ADCY3: variants seen among roughly 807,000 people sequenced by gnomAD.
The protein encoded by ADCY3 is adenylate cyclase 3.
Under a neutral mutation model 119.4 loss-of-function variants are expected in ADCY3, and 70 were observed. The ratio of observed to expected loss-of-function variants is 0.59; its 90% CI spans 0.48 to 0.72. ADCY3 has a LOEUF of 0.72. ADCY3 is among the 30% of genes least tolerant of loss of function. ADCY3 has a pLI of 0.00. For missense variants in ADCY3, 1,238 were observed against 1,541.6 expected, an observed-to-expected ratio of 0.80 and a Z score of 3.30; for synonymous variants, 672 against 621.4, an observed-to-expected ratio of 1.08 and a Z score of -1.21.
At chr2:24,903,806 C>T (rs898883180) in intron 2 of ADCY3, among the ~76,000 whole-genome samples, 1 of 152,108 alleles carries the variant, frequency 6.6e-6, no homozygotes, top group Non-Finnish European at 1.5e-5. Flanking sequence ...AAATGCAACT[C>T]GAAGCCTCAG....
chr2:24,852,288 G>A (rs1219317731), intron 3 of ADCY3, among the ~76,000 whole-genome samples: 1 of 152,226 alleles, frequency 6.6e-6, no homozygotes, highest in Non-Finnish European at 1.5e-5. Context: ...CACGGCATCT[G>A]ATGTCCTCAA....
intron 2 of ADCY3, among the ~76,000 whole-genome samples, chr2:24,889,772 G>A (rs895280975): frequency 1.3e-5 from 2 of 152,366 alleles, no homozygotes; most frequent in East Asian, 3.9e-4. Flanking sequence ...GGAGGCGGAG[G>A]TTGCAGTGAG....
intron 3 of ADCY3, among the ~76,000 whole-genome samples, chr2:24,870,454 C>T (rs1048945729): frequency 6.6e-6 from 1 of 152,146 alleles, no homozygotes; most frequent in African/African-American, 2.4e-5. Flanking sequence ...ACAAATTCAT[C>T]CCACTTGGAG....
At chr2:24,849,202 C>A (rs17046668) in intron 3 of ADCY3, among the ~76,000 whole-genome samples, 4,850 of 152,302 alleles carry the variant, frequency 0.032, 220 homozygotes, top group African/African-American at 0.11. Context: ...TTCAGAAAAG[C>A]CTCTTCAGGC....
chr2:24,833,859 A>T lies in ADCY3; in HGVS notation c.1967+626T>A, dbSNP rs78798877. On this transcript the variant is annotated intron_variant, in intron 11 of 21. Transcript: ENST00000679454. ...TGGTCACACACCCGCAACCTTAGAT[A>T]GTGTGACCCAGCCCAAGGCTCCTGA... 2.2e-3 allele frequency among the ~76,000 whole-genome samples: 342 copies of T among 152,370 alleles called. 1 individual carries two copies. The highest frequency in any genetic ancestry group is 7.9e-3 in the African/African-American group (328 of 41,598).
chr2:24,832,099 G>C (rs866673128), intron 11 of ADCY3: 1 of 277,484 alleles, frequency 3.6e-6, no homozygotes, highest in East Asian at 9.4e-5. Context: ...GGCAGGGGAC[G>C]GGGAGGCCTC....
chr2:24,886,260 C>T (rs185039130), intron 2 of ADCY3, among the ~76,000 whole-genome samples: 50 of 152,270 alleles, frequency 3.3e-4, no homozygotes, highest in African/African-American at 1.0e-3. Flanking sequence ...GCCAACTCCA[C>T]GGTCATCCTG....
At chr2:24,866,003 C>A (rs76428491) in intron 3 of ADCY3, among the ~76,000 whole-genome samples, 17 of 152,182 alleles carry the variant, frequency 1.1e-4, no homozygotes, top group African/African-American at 4.1e-4. Context: ...GCTAAGACCC[C>A]GGGGAAAGAG....
intron 2 of ADCY3, among the ~76,000 whole-genome samples, chr2:24,882,736 C>T (rs2148884717): frequency 6.6e-6 from 1 of 152,310 alleles, no homozygotes; most frequent in African/African-American, 2.4e-5. Flanking sequence ...AAAATTACCT[C>T]AAGGAGCTGA....
intron 6 of ADCY3, among the ~76,000 whole-genome samples, 160 bp from the exon 7 acceptor site, chr2:24,840,191 G>A (rs1253084155): frequency 6.6e-6 from 1 of 152,102 alleles, no homozygotes; most frequent in Non-Finnish European, 1.5e-5. Flanking sequence ...GGGTAAGGCA[G>A]GCCAGGGCCA....
chr2:24,906,797 G>A (rs1251096209), intron 2 of ADCY3, among the ~76,000 whole-genome samples: 1 of 152,218 alleles, frequency 6.6e-6, no homozygotes, highest in African/African-American at 2.4e-5. Flanking sequence ...CCTACCATAA[G>A]CAGGTTGGTG....
At chr2:24,863,092 T>C (rs1572922148) in intron 3 of ADCY3, among the ~76,000 whole-genome samples, 1 of 152,278 alleles carries the variant, frequency 6.6e-6, no homozygotes, top group East Asian at 1.9e-4. Context: ...AAAAAAAGGC[T>C]TGAAGGAATA....
Position 24,841,854 on chromosome 2 carries a change from C to T in ADCY3, c.957-187G>A, listed in dbSNP as rs1671054340. Among the ~76,000 whole-genome samples the T allele has an allele frequency of 6.6e-6, 1 of 152,178 alleles. No homozygotes were observed. The highest frequency in any genetic ancestry group is 1.5e-5 in the Non-Finnish European group (1 of 68,028). ...GTCAGGGCTCTGACCTTGCACTTGT[C>T]CTAGCAGACTTCCCCTGCAGGCCTC... On this transcript the variant is annotated intron_variant, in intron 4 of 21. Coordinates refer to ENST00000679454, the MANE Select transcript of ADCY3 (RefSeq NM_004036.5). This position sits in a 1 kb window ranked among gnomAD's most constrained non-coding sequence, Gnocchi z 5.8.
intron 2 of ADCY3, among the ~76,000 whole-genome samples, chr2:24,893,031 CTTT>C (rs755410434): frequency 2.4e-5 from 3 of 122,876 alleles, no homozygotes; most frequent in African/African-American, 3.3e-5. Flanking sequence ...ATCTATGTGT[CTTT>C]TTTTTTTTTT....
intron 3 of ADCY3, among the ~76,000 whole-genome samples, chr2:24,866,325 A>C (rs554389234): frequency 6.6e-6 from 1 of 152,240 alleles, no homozygotes; most frequent in East Asian, 1.9e-4. Flanking sequence ...AATTTTTAAA[A>C]ATGCCAGGTG....
intron 13 of ADCY3, among the ~76,000 whole-genome samples, 200 bp downstream of exon 13, chr2:24,830,509 G>C (rs780751001): frequency 6.6e-6 from 1 of 152,306 alleles, no homozygotes; most frequent in East Asian, 1.9e-4. Flanking sequence ...AAGGAAACAA[G>C]TCCATCCCAG....
chr2:24,858,567 T>C (rs1572908044), intron 3 of ADCY3, among the ~76,000 whole-genome samples: 1 of 152,230 alleles, frequency 6.6e-6, no homozygotes, highest in Non-Finnish European at 1.5e-5. Context: ...ACAAAATAAA[T>C]GTTCAATAAA....
intron 2 of ADCY3, among the ~76,000 whole-genome samples, chr2:24,895,275 G>A (rs1271488421): frequency 7.7e-6 from 1 of 129,342 alleles, no homozygotes; most frequent in Non-Finnish European, 1.6e-5. Flanking sequence ...ATTTTTAGGA[G>A]AGACGGGGTT....
intron 3 of ADCY3, among the ~76,000 whole-genome samples, chr2:24,851,735 G>C (rs953895758): frequency 6.6e-6 from 1 of 152,100 alleles, no homozygotes; most frequent in Non-Finnish European, 1.5e-5. Context: ...TGCTCTTAAG[G>C]CTTAAAACTT....
Sources: gnomAD v4.1 joint callset for allele counts (sites outside exome capture counted in the v4.1 genomes callset) on GRCh38, gnomAD v4.1.1 for gene constraint, Gnocchi (gnomAD v3.1) non-coding constraint, MANE v1.5 for transcripts, NCBI Gene and HGNC (gene_info 2026-07-23, HGNC 2026-07-21) for gene names.